The following PCDHA2 variants were observed in gnomAD, a reference collection of about 807,000 sequenced individuals.
PCDHA2 encodes the protein protocadherin alpha 2.
In PCDHA2, 58 loss-of-function variants were observed where a neutral mutation model predicts 66.0. That is an observed-to-expected ratio of 0.88 (90% CI 0.71 to 1.09). The LOEUF is 1.09. PCDHA2 is among the 50% of genes least tolerant of loss of function. The pLI is 0.00. For missense variants in PCDHA2, 1,267 were observed against 1,242.3 expected (o/e 1.02, Z -0.30); for synonymous variants, 634 against 554.0 (o/e 1.14, Z -2.03).
In PCDHA2 at chr5:140,842,984, G is replaced by A. The variant is rs2150349206; in HGVS notation, c.2388+45632G>A. 26 of 1,594,918 alleles carry A rather than the reference G, an allele frequency of 1.6e-5. 1 individual carries two copies. The East Asian group carries it at 4.7e-4, about 29-fold the overall frequency. On this transcript the variant is annotated intron_variant, in intron 1 of 3. Coordinates refer to ENST00000526136, the MANE Select transcript of PCDHA2 (RefSeq NM_018905.3). ...CAGCAACGTGACGCTGCAGGTGTTCGTGCTGGACGAGAATGACAACGCGCC... is the reference window on the plus strand; with the variant it reads ...CAGCAACGTGACGCTGCAGGTGTTCATGCTGGACGAGAATGACAACGCGCC...
At chr5:140,827,132 A>G (rs1274640005) in intron 1 of PCDHA2, among the ~76,000 whole-genome samples, 1 of 152,222 alleles carries the variant, frequency 6.6e-6, no homozygotes, top group Non-Finnish European at 1.5e-5. Context: ...TTAGAAACAT[A>G]GAAAGAAGGG....
intron 1 of PCDHA2, among the ~76,000 whole-genome samples, chr5:140,916,601 G>A (rs2077638535): frequency 6.6e-6 from 1 of 152,188 alleles, no homozygotes. Flanking sequence ...GGCCTGGAAT[G>A]CGGGCCTCAT....
At chr5:140,979,973 A>G (rs782560392) in intron 2 of PCDHA2, among the ~76,000 whole-genome samples, 9 of 152,230 alleles carry the variant, frequency 5.9e-5, no homozygotes, top group Non-Finnish European at 1.0e-4. Context: ...ATTAAAATGC[A>G]TTAGATTGAA....
chr5:140,834,827 T>C (rs1773317793), intron 1 of PCDHA2: 1 of 1,611,982 alleles, frequency 6.2e-7, no homozygotes, highest in African/African-American at 1.3e-5. Flanking sequence ...CCAGGCCGCT[T>C]GACTCTCGGT....
At chr5:140,808,463 A>T in intron 1 of PCDHA2, 1 of 1,614,166 alleles carries the variant, frequency 6.2e-7, no homozygotes, top group Non-Finnish European at 8.5e-7. Flanking sequence ...GCTGGTGGTG[A>T]CCGCGCGAGA....
intron 1 of PCDHA2, among the ~76,000 whole-genome samples, chr5:140,954,988 A>G (rs554115730): frequency 2.0e-5 from 3 of 152,204 alleles, no homozygotes; most frequent in Admixed American, 6.5e-5. Context: ...AATTTTCTGC[A>G]TATGGCTAGC....
intron 1 of PCDHA2, chr5:140,850,332 C>T (rs1349532162): frequency 1.3e-6 from 2 of 1,597,432 alleles, no homozygotes; most frequent in Admixed American, 1.7e-5. Context: ...CGAGCTGCAG[C>T]CAGAAACGGC....
chr5:140,927,294 C>T (rs781944508), intron 1 of PCDHA2: 10 of 1,614,062 alleles, frequency 6.2e-6, no homozygotes, highest in South Asian at 3.3e-5. Context: ...TGCACATCCC[C>T]GAGTTCCTGA....
intron 1 of PCDHA2, among the ~76,000 whole-genome samples, chr5:140,911,247 A>G (rs2075389238): frequency 6.6e-6 from 1 of 152,124 alleles, no homozygotes; most frequent in Non-Finnish European, 1.5e-5. Context: ...AAAAAGTTTC[A>G]TCAGAATTTA....
chr5:140,802,041 A>G, intron 1 of PCDHA2: 1 of 1,614,210 alleles, frequency 6.2e-7, no homozygotes, highest in Non-Finnish European at 8.5e-7. Context: ...GTATTCTTTC[A>G]ATACGGACAT....
chr5:140,969,274 TG>T, intron 1 of PCDHA2: 1 of 1,614,158 alleles, frequency 6.2e-7, no homozygotes, highest in Non-Finnish European at 8.5e-7. Flanking sequence ...CAGGCCAAAG[TG>T]GTCAGAATGC....
intron 1 of PCDHA2, among the ~76,000 whole-genome samples, chr5:140,975,053 A>G (rs2096651589): frequency 1.3e-5 from 2 of 152,144 alleles, no homozygotes; most frequent in Admixed American, 6.5e-5. Flanking sequence ...GGAAGAATCT[A>G]CTATCGAGCT....
intron 1 of PCDHA2, among the ~76,000 whole-genome samples, chr5:140,959,768 A>G (rs1554224322): frequency 6.6e-6 from 1 of 152,240 alleles, no homozygotes; most frequent in African/African-American, 2.4e-5. Flanking sequence ...ATATTCAGTA[A>G]GAACAGTGTA....
chr5:140,841,503 C>T (rs2150316766), intron 1 of PCDHA2: 3 of 1,613,300 alleles, frequency 1.9e-6, no homozygotes, highest in African/African-American at 1.3e-5. Context: ...GAGCTGGTGC[C>T]GCGCCTGTTC....
chr5:140,959,471 C>T (rs910729465), intron 1 of PCDHA2, among the ~76,000 whole-genome samples: 3 of 151,970 alleles, frequency 2.0e-5, no homozygotes, highest in African/African-American at 7.3e-5. Context: ...TGGCATCAAT[C>T]AAGGCATATT....
intron 1 of PCDHA2, chr5:140,928,707 C>T: frequency 6.2e-7 from 1 of 1,614,184 alleles, no homozygotes; most frequent in South Asian, 1.1e-5. Flanking sequence ...GGGCGTCTGA[C>T]TCTAGTCTCT....
intron 1 of PCDHA2, chr5:140,842,408 G>A (rs1266480987): frequency 1.2e-6 from 2 of 1,612,204 alleles, no homozygotes; most frequent in Non-Finnish European, 1.7e-6. Flanking sequence ...ACGTGAAGAC[G>A]CTCAATTTGG....
chr5:140,809,107 G>C (rs1333130927), intron 1 of PCDHA2: 1 of 1,613,952 alleles, frequency 6.2e-7, no homozygotes, highest in Non-Finnish European at 8.5e-7. Context: ...TGGACGAAAC[G>C]GACGCTCCGC....
At chr5:140,854,330 T>A in intron 1 of PCDHA2, 1 of 213,708 alleles carries the variant, frequency 4.7e-6, no homozygotes, top group Non-Finnish European at 8.0e-6. Flanking sequence ...GCAAACTTAT[T>A]TTACGCTCCA....
Sources: allele counts gnomAD v4.1 joint callset (sites outside exome capture counted in the v4.1 genomes callset), GRCh38; gene constraint gnomAD v4.1.1; transcripts MANE v1.5; gene names NCBI Gene and HGNC (gene_info 2026-07-23, HGNC 2026-07-21).